Variants in GANC observed in about 807,000 individuals in gnomAD.
GANC encodes the protein glucosidase alpha, neutral C.
GANC carries 117 observed loss-of-function variants against 124.2 expected under a neutral mutation model. The ratio of observed to expected loss-of-function variants is 0.94; its 90% CI spans 0.81 to 1.10. The LOEUF (loss-of-function observed/expected upper bound fraction) is 1.10, where lower values mean the gene tolerates loss of function less well. Among genes scored for constraint, GANC ranks in the 50% least tolerant of loss-of-function variants. The pLI is 0.00. For synonymous variants in GANC, 377 were observed against 376.8 expected (o/e 1.00, Z -0.01); for missense variants, 1,140 against 1,095.0 (o/e 1.04, Z -0.58).
chr15:42,299,172 C>T lies in GANC; in HGVS notation c.558+1516C>T, dbSNP rs2051920592. Among the ~76,000 whole-genome samples, 3 of 152,234 alleles carry T rather than the reference C, an allele frequency of 2.0e-5. No homozygotes were observed. The South Asian group carries it at 6.2e-4, about 32-fold the overall frequency. On this transcript the variant is annotated intron_variant, in intron 6 of 23. Coordinates refer to ENST00000318010, the MANE Select transcript of GANC (RefSeq NM_198141.3). ...TCAAAGGGAATGCTTCTAGCTTTTGCCCATTCAGTGTGATATTGGCTGTGG... is the reference window on the plus strand; with the variant it reads ...TCAAAGGGAATGCTTCTAGCTTTTGTCCATTCAGTGTGATATTGGCTGTGG...
intron 15 of GANC, 94 bp from the exon 16 acceptor site, chr15:42,338,294 TC>T: frequency 4.4e-6 from 3 of 687,476 alleles, no homozygotes; most frequent in Non-Finnish European, 4.7e-6. Context: ...GTTTTCCTTT[TC>T]ATTAAGTTGT....
rs2051670565 is a variant in GANC at position 42,276,295 on chromosome 15, T to C, written c.30-53T>C. On this transcript the variant is annotated intron_variant, in intron 1 of 23. Transcript: ENST00000318010. ...CTGTCGTTAGAGAAGGTACAAAAGT[T>C]GGATTCACAAGCCCTGTGTGAAATA... 20 of 844,540 alleles carry C rather than the reference T, an allele frequency of 2.4e-5. No homozygotes were observed. The South Asian group carries it at 2.7e-4, about 12-fold the overall frequency. 52.3% of individuals were successfully genotyped at this position (844,540 alleles called of 1,614,324 possible).
intron 6 of GANC, among the ~76,000 whole-genome samples, chr15:42,304,604 G>GA (rs763472104): frequency 6.6e-6 from 1 of 152,104 alleles, no homozygotes; most frequent in Non-Finnish European, 1.5e-5. Flanking sequence ...CACAAAATTA[G>GA]AAAAAACTAC....
chr15:42,339,867 A>G lies in GANC; in HGVS notation c.2042A>G (p.Tyr681Cys), dbSNP rs778397091. 1.4e-5 allele frequency: 22 copies of G among 1,614,064 alleles called. No individual in the cohort carries two copies. The South Asian group carries it at 1.5e-4, about 11-fold the overall frequency. The change falls in exon 17 of 24, where the codon TAT becomes TGT. Residue 681 changes from tyrosine to cysteine, a missense_variant. Tyr to Cys is a radical substitution (Grantham distance 194, BLOSUM62 -2). Coordinates refer to ENST00000318010, the MANE Select transcript of GANC (RefSeq NM_198141.3). ...RERYGLLPYWYSLFYHAHVAS... is the reference protein window; with the variant it reads ...RERYGLLPYWCSLFYHAHVAS... Reference sequence around the variant, plus strand: ...CGCTATGGCCTCCTGCCATATTGGTATTCTCTGTTCTACCATGCACACGTG... The same window carrying G: ...CGCTATGGCCTCCTGCCATATTGGTGTTCTCTGTTCTACCATGCACACGTG...
intron 3 of GANC, among the ~76,000 whole-genome samples, chr15:42,282,190 A>G (rs2051740531): frequency 6.6e-6 from 1 of 152,076 alleles, no homozygotes. Flanking sequence ...GCATGGTGGC[A>G]TGTGCCTGTA....
intron 5 of GANC, 98 bp downstream of exon 5, chr15:42,293,015 G>T: frequency 8.3e-7 from 1 of 1,209,330 alleles, no homozygotes; most frequent in Admixed American, 2.2e-5. Flanking sequence ...TAGAAAATTG[G>T]TTTGCCTTAT....
chr15:42,327,273 C>A, intron 12 of GANC, 90 bp from the exon 13 acceptor site: 2 of 957,716 alleles, frequency 2.1e-6, no homozygotes, highest in Non-Finnish European at 3.1e-6. Flanking sequence ...TGCCCATTTC[C>A]CAGCTCTCAC....
rs747886735 is a variant in GANC at position 42,326,300 on chromosome 15, T to C, written c.1296T>C (p.Leu432=). Residue 432 remains leucine (L), a splice_region_variant and synonymous_variant, in exon 12 of 24, where the codon CTT becomes CTC. Coordinates refer to ENST00000318010, the MANE Select transcript of GANC (RefSeq NM_198141.3). The part of the protein sequence containing the change: ...QELLRSKKRK[L]VVISDPHIKI... ...TCCAAACCTTCATGTCCTGACAGCT[T>C]GTGGTCATCAGTGATCCCCACATCA... 1 of 1,606,962 alleles carries C rather than the reference T, an allele frequency of 6.2e-7. No individual in the cohort carries two copies. The highest frequency in any genetic ancestry group is 1.1e-5 in the South Asian group (1 of 90,852).
intron 19 of GANC, among the ~76,000 whole-genome samples, chr15:42,343,721 CAG>C (rs993307546): frequency 2.0e-5 from 3 of 151,992 alleles, no homozygotes; most frequent in African/African-American, 7.3e-5. Context: ...AGGCAGGGCA[CAG>C]GGGAGAGGAG....
chr15:42,290,838 G>T lies in GANC; in HGVS notation c.330-1897G>T, dbSNP rs1033757889. On this transcript the variant is annotated intron_variant, in intron 4 of 23. Transcript: ENST00000318010. ...AAATAAACAATTTTTTTTAAAAATT[G>T]AATAACAATATTTGGGAAGAGTTGG... 6.6e-5 allele frequency among the ~76,000 whole-genome samples: 10 copies of T among 152,030 alleles called. 1 individual carries two copies. The highest frequency in any genetic ancestry group is 6.6e-5 in the Admixed American group (1 of 15,252).
chr15:42,304,579 A>G (rs2141038977), intron 6 of GANC, among the ~76,000 whole-genome samples: 1 of 152,352 alleles, frequency 6.6e-6, no homozygotes, highest in African/African-American at 2.4e-5. Context: ...CCATCAAGCT[A>G]CCATTGACTT....
chr15:42,283,646 AG>A (rs2051755973), intron 3 of GANC: 6 of 702,556 alleles, frequency 8.5e-6, no homozygotes, highest in Non-Finnish European at 1.6e-5. Flanking sequence ...CAACACTTCC[AG>A]CAGCTTCTCC....
At chr15:42,328,636 G>A (rs1033038216) in intron 13 of GANC, among the ~76,000 whole-genome samples, 3 of 152,084 alleles carry the variant, frequency 2.0e-5, no homozygotes, top group African/African-American at 7.2e-5. Context: ...TATATACAAG[G>A]AGCAGGATTT....
chr15:42,319,004 A>T (rs1442836218), intron 10 of GANC, among the ~76,000 whole-genome samples: 1 of 151,920 alleles, frequency 6.6e-6, no homozygotes, highest in East Asian at 1.9e-4. Context: ...CCTTAGATTA[A>T]TTTTTCCCTT....
At chr15:42,325,569 G>A (rs374354190) in intron 11 of GANC, among the ~76,000 whole-genome samples, 1 of 152,134 alleles carries the variant, frequency 6.6e-6, no homozygotes. Context: ...TTTCTTTAAT[G>A]TTTGCTTATA....
At position 42,353,107 on chromosome 15, in the gene GANC, A is replaced by G. The variant is rs1005190444; in HGVS notation, c.*968A>G. ...GAGTTTTCCTTTTGTCCCAGGCTCTAATATGGCTTGGCATGGGGCAGAACA... is the reference window on the plus strand; with the variant it reads ...GAGTTTTCCTTTTGTCCCAGGCTCTGATATGGCTTGGCATGGGGCAGAACA... On this transcript the variant is annotated 3_prime_UTR_variant, in exon 24 of 24. Coordinates refer to ENST00000318010, the MANE Select transcript of GANC (RefSeq NM_198141.3). 1.0e-5 allele frequency: 10 copies of G among 985,698 alleles called. No individual in the cohort carries two copies. In the East Asian group the frequency reaches 1.1e-3, roughly 112 times the overall value. The allele number at this position is 985,698 out of a possible 1,614,324, so 61.1% of individuals were successfully genotyped here.
chr15:42,317,907 G>A (rs1021408835), intron 10 of GANC, among the ~76,000 whole-genome samples: 2 of 152,216 alleles, frequency 1.3e-5, no homozygotes, highest in African/African-American at 4.8e-5. Flanking sequence ...TTCAAAGACA[G>A]TAAAGATTAT....
At chr15:42,343,237 A>G (rs1465296265) in intron 19 of GANC, 83 bp downstream of exon 19, 11 of 1,264,930 alleles carry the variant, frequency 8.7e-6, no homozygotes, top group Non-Finnish European at 3.4e-6. Context: ...TTTCTTCATC[A>G]TGTGTTTGTG....
intron 3 of GANC, 131 bp downstream of exon 3, chr15:42,278,721 T>C (rs1270687489): frequency 1.6e-6 from 1 of 622,770 alleles, no homozygotes; most frequent in Non-Finnish European, 2.7e-6. Context: ...TTTTAGTGAT[T>C]AGTGGCTCAC....
Sources: allele counts gnomAD v4.1 joint callset (sites outside exome capture counted in the v4.1 genomes callset), GRCh38; gene constraint gnomAD v4.1.1; transcripts MANE v1.5; gene names NCBI Gene and HGNC (gene_info 2026-07-23, HGNC 2026-07-21).